C5orf22: variants seen among roughly 807,000 people sequenced by gnomAD.
C5orf22 encodes UPF0489 protein C5orf22.
A neutral mutation model predicts 48.7 loss-of-function variants in C5orf22; 36 were observed. The ratio of observed to expected loss-of-function variants is 0.74; its 90% CI spans 0.57 to 0.98. The LOEUF is 0.98. C5orf22 is among the 50% of genes least tolerant of loss of function. The pLI, the probability that C5orf22 is intolerant of heterozygous loss-of-function variation, is 0.00. For missense variants in C5orf22, 486 were observed against 521.9 expected, an observed-to-expected ratio of 0.93 and a Z score of 0.67; for synonymous variants, 141 against 180.8, an observed-to-expected ratio of 0.78 and a Z score of 1.76.
chr5:31,534,904 T>C, intron 2 of C5orf22: 2 of 403,740 alleles, frequency 5.0e-6, no homozygotes, highest in South Asian at 3.6e-5. Flanking sequence ...AAAAAAACTT[T>C]GTTTACAAAA....
At chr5:31,533,583 C>T (rs1262121022) in intron 1 of C5orf22, among the ~76,000 whole-genome samples, 2 of 152,166 alleles carry the variant, frequency 1.3e-5, no homozygotes, top group African/African-American at 2.4e-5. Flanking sequence ...CTAGGTTAGA[C>T]GGTGCTTTCA....
At chr5:31,550,387 T>C (rs1339386141) in intron 7 of C5orf22, among the ~76,000 whole-genome samples, 1 of 152,210 alleles carries the variant, frequency 6.6e-6, no homozygotes, top group Non-Finnish European at 1.5e-5. Context: ...CATAGGTAGA[T>C]AGCAGTAGCT....
intron 7 of C5orf22, among the ~76,000 whole-genome samples, chr5:31,549,297 C>T (rs1275312679): frequency 2.0e-5 from 3 of 152,172 alleles, no homozygotes; most frequent in Non-Finnish European, 2.9e-5. Flanking sequence ...GAAAGACCCA[C>T]CCCCACAGTC....
chr5:31,553,044 C>A lies in C5orf22; in HGVS notation c.*142C>A. The A allele has an allele frequency of 1.3e-6, 1 of 764,850 alleles. No homozygotes were observed. The allele number at this position is 764,850 out of a possible 1,614,324, so 47.4% of individuals were successfully genotyped here. On this transcript the variant is annotated 3_prime_UTR_variant, in exon 9 of 9. Coordinates refer to ENST00000325366, the MANE Select transcript of C5orf22 (RefSeq NM_018356.3). ...CTTTCAGATATTTTGAATCTCTGAA[C>A]AACCATTGTCAGTTGTGAATGATGG...
chr5:31,546,789 C>T (rs559362541), intron 7 of C5orf22, among the ~76,000 whole-genome samples: 44 of 152,270 alleles, frequency 2.9e-4, no homozygotes, highest in African/African-American at 9.6e-4. Flanking sequence ...CACCTCCCAT[C>T]GGCTTCCTCC....
rs186378320 is a variant in C5orf22 at position 31,539,911 on chromosome 5, G to A, written c.808-1038G>A. Among the ~76,000 whole-genome samples the A allele has an allele frequency of 1.5e-4, 23 of 151,990 alleles. No individual in the cohort carries two copies. In the East Asian group the frequency reaches 3.7e-3, roughly 24 times the overall value. On this transcript the variant is annotated intron_variant, in intron 4 of 8. Transcript: ENST00000325366. Reference sequence around the variant, plus strand: ...AAAATTTTTTTTTTAATTTAGCCAGGCATAGTGGCACGTGCCTGTGGTCCA... The same window carrying A: ...AAAATTTTTTTTTTAATTTAGCCAGACATAGTGGCACGTGCCTGTGGTCCA...
At chr5:31,539,125 A>G (rs967264512) in intron 4 of C5orf22, among the ~76,000 whole-genome samples, 2 of 152,250 alleles carry the variant, frequency 1.3e-5, no homozygotes, top group East Asian at 3.8e-4. Flanking sequence ...ACAAGAGTAA[A>G]AAATAATACA....
intron 6 of C5orf22, among the ~76,000 whole-genome samples, chr5:31,542,535 A>G (rs1052324719): frequency 6.6e-6 from 1 of 151,516 alleles, no homozygotes; most frequent in Non-Finnish European, 1.5e-5. Flanking sequence ...GGTATTTTCA[A>G]TCTCTTGACG....
At chr5:31,548,694 T>G (rs1434128559) in intron 7 of C5orf22, 2 of 373,172 alleles carry the variant, frequency 5.4e-6, no homozygotes, top group East Asian at 1.6e-4. Context: ...TCAGGTATCT[T>G]TTCAACAGTG....
At chr5:31,542,064 G>A (rs1014644349) in intron 6 of C5orf22, among the ~76,000 whole-genome samples, 30 of 152,214 alleles carry the variant, frequency 2.0e-4, no homozygotes, top group African/African-American at 6.3e-4. Flanking sequence ...AATTAAAGAT[G>A]AGTAGTACAT....
Position 31,538,630 on chromosome 5 carries a change from T to G in C5orf22, c.748T>G (p.Leu250Val). ...TTTGAAGAAAGGGAAGGCATTTGTTTTAGATATTGACTTGGATTTTTTTTC... is the reference window on the plus strand; with the variant it reads ...TTTGAAGAAAGGGAAGGCATTTGTTGTAGATATTGACTTGGATTTTTTTTC... ...EILKKGKAFV[L>V]DIDLDFFSVK... Residue 250 changes from leucine to valine, a missense_variant, in exon 4 of 9, where the codon TTA becomes GTA. Around this residue, in one of 3 missense-constraint regions of C5orf22, gnomAD observed 408 missense variants for 444.0 expected, o/e 0.92. Coordinates refer to ENST00000325366, the MANE Select transcript of C5orf22 (RefSeq NM_018356.3). 2 of 1,614,034 alleles carry G rather than the reference T, an allele frequency of 1.2e-6. No homozygotes were observed. The highest frequency in any genetic ancestry group is 1.7e-6 in the Non-Finnish European group (2 of 1,179,976).
At chr5:31,548,039 C>T (rs1743004670) in intron 7 of C5orf22, among the ~76,000 whole-genome samples, 1 of 152,196 alleles carries the variant, frequency 6.6e-6, no homozygotes, top group Admixed American at 6.5e-5. Flanking sequence ...CAGTGGTTCA[C>T]GCCTATAATC....
Position 31,552,828 on chromosome 5 carries a change from G to T in C5orf22, c.1255G>T (p.Val419Phe). The change falls in exon 9 of 9, where the codon GTC (valine) becomes TTC (phenylalanine). Residue 419 changes from valine to phenylalanine, a missense_variant. Around this residue, in one of 3 missense-constraint regions of C5orf22, gnomAD observed 408 missense variants for 444.0 expected, o/e 0.92. Coordinates refer to ENST00000325366, the MANE Select transcript of C5orf22 (RefSeq NM_018356.3). ...SDQVDTIQEK[V>F]LNMLRALYGN... ...CCAAGTTGACACTATTCAAGAAAAG[G>T]TCCTCAATATGCTACGTGCCCTCTA... The T allele has an allele frequency of 1.2e-6, 2 of 1,613,572 alleles. No homozygotes were observed. The highest frequency in any genetic ancestry group is 2.2e-5 in the East Asian group (1 of 44,848).
At position 31,552,762 on chromosome 5, in the gene C5orf22, G is replaced by A. The variant is rs1378167981; in HGVS notation, c.1200-11G>A. 2 of 1,609,886 alleles carry A rather than the reference G, an allele frequency of 1.2e-6. No individual in the cohort carries two copies. Among genetic ancestry groups the A allele is most frequent in the East Asian group, 2.2e-5 (1 of 44,798 alleles). ...GTGTATTTTTCTTCTTTCTCTTTCT[G>A]TTGGTTCTAGGTCAAGTCTGGATGA... On this transcript the variant is annotated splice_polypyrimidine_tract_variant and intron_variant, in intron 8 of 8. Coordinates refer to ENST00000325366, the MANE Select transcript of C5orf22 (RefSeq NM_018356.3).
At position 31,551,356 on chromosome 5, in the gene C5orf22, G is replaced by A; in HGVS notation, c.1123G>A (p.Glu375Lys). ...ELPHHISTEQ[E>K]IECLIQSVHY... ...TCCTCACCATATCAGCACAGAACAAGAAATAGAGTGTCTTATTCAATCTGT... is the reference window on the plus strand; with the variant it reads ...TCCTCACCATATCAGCACAGAACAAAAAATAGAGTGTCTTATTCAATCTGT... Residue 375 changes from glutamate (E) to lysine (K), a missense_variant, in exon 8 of 9, where the codon GAA becomes AAA. Glu to Lys is a moderately conservative substitution (Grantham distance 56). This residue lies in a region of C5orf22 where 408 missense variants were observed against 444.0 expected (regional missense o/e 0.92). Coordinates refer to ENST00000325366, the MANE Select transcript of C5orf22 (RefSeq NM_018356.3). The A allele has an allele frequency of 1.2e-6, 2 of 1,613,688 alleles. No individual in the cohort carries two copies. The highest frequency in any genetic ancestry group is 8.5e-7 in the Non-Finnish European group (1 of 1,179,874).
intron 6 of C5orf22, among the ~76,000 whole-genome samples, chr5:31,543,263 T>C (rs930922955): frequency 7.2e-5 from 11 of 152,210 alleles, no homozygotes; most frequent in African/African-American, 2.4e-4. Flanking sequence ...AAGTATTGAT[T>C]AGGCACTTTA....
intron 2 of C5orf22, chr5:31,535,010 T>A (rs1319007552): frequency 6.6e-6 from 3 of 454,606 alleles, no homozygotes; most frequent in Non-Finnish European, 1.3e-5. Flanking sequence ...TGCCATATGC[T>A]GTTTTGGTTG....
chr5:31,552,484 C>G (rs1743343639), intron 8 of C5orf22, among the ~76,000 whole-genome samples: 1 of 152,166 alleles, frequency 6.6e-6, no homozygotes, highest in African/African-American at 2.4e-5. Flanking sequence ...AGCAATCAAG[C>G]ATTAAGGCAC....
intron 4 of C5orf22, 53 bp from the exon 5 acceptor site, chr5:31,540,896 A>G (rs777332832): frequency 5.9e-6 from 8 of 1,359,518 alleles, no homozygotes; most frequent in Non-Finnish European, 7.3e-6. Context: ...ATATCATTAA[A>G]AAATTTTAAC....
Sources: allele counts gnomAD v4.1 joint callset (sites outside exome capture counted in the v4.1 genomes callset), GRCh38; gene constraint gnomAD v4.1.1; regional missense constraint gnomAD v4.1.1; transcripts MANE v1.5; gene names NCBI Gene and HGNC (gene_info 2026-07-23, HGNC 2026-07-21).